ST3GAL1: variants seen among roughly 807,000 people sequenced by gnomAD.
ST3GAL1 encodes the protein CMP-N-acetylneuraminate-beta-galactosamide-alpha-2,3-sialyltransferase 1.
ST3GAL1 carries 16 observed loss-of-function variants against 34.1 expected under a neutral mutation model. That is an observed-to-expected ratio of 0.47 (90% CI 0.32 to 0.71). ST3GAL1 has a LOEUF of 0.71. Among genes scored for constraint, ST3GAL1 ranks in the 30% least tolerant of loss-of-function variants. The pLI, the probability that ST3GAL1 is intolerant of heterozygous loss-of-function variation, is 0.04. For synonymous variants in ST3GAL1, 191 were observed against 184.7 expected, an observed-to-expected ratio of 1.03 and a Z score of -0.28; for missense variants, 353 against 447.4, an observed-to-expected ratio of 0.79 and a Z score of 1.90.
intron 1 of ST3GAL1, among the ~76,000 whole-genome samples, chr8:133,557,294 T>A (rs889822605): frequency 6.6e-6 from 1 of 152,136 alleles, no homozygotes; most frequent in African/African-American, 2.4e-5. Context: ...AGTCATCCAG[T>A]CAACCAACGC....
intron 2 of ST3GAL1, among the ~76,000 whole-genome samples, chr8:133,537,270 C>T (rs1248269081): frequency 6.6e-6 from 1 of 151,296 alleles, no homozygotes; most frequent in Non-Finnish European, 1.5e-5. Context: ...CTCCAGTGCT[C>T]AGCTATCTGG....
chr8:133,558,680 C>A (rs1420912917), intron 1 of ST3GAL1, among the ~76,000 whole-genome samples: 1 of 152,150 alleles, frequency 6.6e-6, no homozygotes, highest in East Asian at 1.9e-4. Flanking sequence ...TTTACTCCAT[C>A]CGGGGCAGGT....
intron 9 of ST3GAL1, among the ~76,000 whole-genome samples, chr8:133,460,855 G>A (rs1259918708): frequency 6.6e-6 from 1 of 152,032 alleles, no homozygotes; most frequent in African/African-American, 2.4e-5. Context: ...GGGAGAGGAC[G>A]TGCTATCTGG....
rs1381837355 is a variant in ST3GAL1, at chr8:133,508,023, C to T, written c.-428-8834G>A. On this transcript the variant is annotated intron_variant, in intron 2 of 9. Transcript: ENST00000522652. This position sits in a 1 kb window ranked among gnomAD's most constrained non-coding sequence, Gnocchi z 4.1. Reference sequence around the variant, plus strand: ...GAGGTGCCCACCCTCTCACCCCCCACACCCTAGGCAGCCCACAGACAATGA... The same window carrying T: ...GAGGTGCCCACCCTCTCACCCCCCATACCCTAGGCAGCCCACAGACAATGA... 6.6e-6 allele frequency among the ~76,000 whole-genome samples: 1 copy of T among 152,236 alleles called. No homozygotes were observed. The highest frequency in any genetic ancestry group is 6.5e-5 in the Admixed American group (1 of 15,282).
intron 2 of ST3GAL1, among the ~76,000 whole-genome samples, chr8:133,500,487 T>A (rs1482667526): frequency 6.6e-6 from 1 of 152,112 alleles, no homozygotes; most frequent in African/African-American, 2.4e-5. Flanking sequence ...CAGGGAAGGT[T>A]ATAGGGAGGA....
rs71299078 is a variant in ST3GAL1 at position 133,541,120 on chromosome 8, T to TATAGAGAGAGAGAGAGAGAGAGAGAG, written c.-429+4653_-429+4654insCTCTCTCTCTCTCTCTCTCTCTCTAT. ...ACATATATATATATATATATATATA[T>TATAGAGAGAGAGAGAGAGAGAGAGAG]AGAGAGAGAGAGAGAGAGAGAGAGA... On this transcript the variant is annotated intron_variant, in intron 2 of 9. Coordinates refer to ENST00000522652, the MANE Select transcript of ST3GAL1 (RefSeq NM_173344.3). Among the ~76,000 whole-genome samples the TATAGAGAGAGAGAGAGAGAGAGAGAG allele has an allele frequency of 6.2e-5, 3 of 48,644 alleles. 1 individual carries two copies. The highest frequency in any genetic ancestry group is 9.9e-5 in the African/African-American group (1 of 10,138). The allele number at this position is 48,644 out of a possible 152,430, so 31.9% of individuals were successfully genotyped here. A position where few individuals can be genotyped will look rare whatever the true frequency, so the allele number is the denominator to read the frequency against.
At chr8:133,569,688 G>A (rs551899193) in intron 1 of ST3GAL1, among the ~76,000 whole-genome samples, 1 of 152,158 alleles carries the variant, frequency 6.6e-6, no homozygotes, top group African/African-American at 2.4e-5. Flanking sequence ...TAATGTTTGG[G>A]GCAGGAAGGG....
At chr8:133,473,745 T>G (rs2130939559) in intron 5 of ST3GAL1, among the ~76,000 whole-genome samples, 1 of 152,358 alleles carries the variant, frequency 6.6e-6, no homozygotes, top group Non-Finnish European at 1.5e-5. Context: ...ATCTTCTGGC[T>G]ATCGCAACTG....
chr8:133,540,303 C>G (rs368302464), intron 2 of ST3GAL1, among the ~76,000 whole-genome samples: 7 of 152,216 alleles, frequency 4.6e-5, no homozygotes, highest in Non-Finnish European at 1.0e-4. Context: ...TGCTGCCCAT[C>G]GGAATATTGA....
At position 133,571,390 on chromosome 8, in the gene ST3GAL1, G is replaced by C. The variant is rs958102394; in HGVS notation, c.-582+303C>G. Reference sequence around the variant, plus strand: ...CACAGAGCTCCAGGCAGCTCCTCCAGTGTCGGCCGAAGACCCCTAAGCCCG... The same window carrying C: ...CACAGAGCTCCAGGCAGCTCCTCCACTGTCGGCCGAAGACCCCTAAGCCCG... On this transcript the variant is annotated intron_variant, in intron 1 of 9. Transcript: ENST00000522652. This position sits in a 1 kb window ranked among gnomAD's most constrained non-coding sequence, Gnocchi z 6.7. 2.6e-5 allele frequency among the ~76,000 whole-genome samples: 4 copies of C among 152,156 alleles called. No homozygotes were observed. The highest frequency in any genetic ancestry group is 6.5e-5 in the Admixed American group (1 of 15,276).
intron 5 of ST3GAL1, among the ~76,000 whole-genome samples, chr8:133,468,703 G>A (rs1364119190): frequency 6.6e-6 from 1 of 152,208 alleles, no homozygotes. Flanking sequence ...ATCATCCAGG[G>A]TGGCTCCATG....
At chr8:133,497,881 G>T (rs1207757926) in intron 3 of ST3GAL1, among the ~76,000 whole-genome samples, 39 of 152,120 alleles carry the variant, frequency 2.6e-4, no homozygotes. Context: ...TGGTAGTGGG[G>T]TATGGGAGCA....
At chr8:133,557,528 C>T (rs1462542668) in intron 1 of ST3GAL1, among the ~76,000 whole-genome samples, 1 of 152,126 alleles carries the variant, frequency 6.6e-6, no homozygotes, top group East Asian at 1.9e-4. Context: ...GTCGCACCAG[C>T]CAGGCCCTGT....
chr8:133,494,665 C>A (rs1487663668), intron 3 of ST3GAL1, among the ~76,000 whole-genome samples: 2 of 152,122 alleles, frequency 1.3e-5, no homozygotes, highest in African/African-American at 4.8e-5. Context: ...TGAACTGGTC[C>A]CTGCCTACTC....
intron 5 of ST3GAL1, 131 bp downstream of exon 5, chr8:133,475,588 C>G (rs571646213): frequency 9.1e-7 from 1 of 1,097,370 alleles, no homozygotes; most frequent in African/African-American, 1.6e-5. Context: ...CAGACCCCTA[C>G]CCTCAGCCCA....
chr8:133,550,651 T>C (rs1818812017), intron 1 of ST3GAL1, among the ~76,000 whole-genome samples: 1 of 152,222 alleles, frequency 6.6e-6, no homozygotes, highest in South Asian at 2.1e-4. Context: ...AGGGAACTGC[T>C]GGGCTTAAAC....
intron 2 of ST3GAL1, among the ~76,000 whole-genome samples, chr8:133,510,494 T>C (rs540871363): frequency 2.0e-5 from 3 of 152,316 alleles, no homozygotes; most frequent in African/African-American, 7.2e-5. Flanking sequence ...CGGGCAATTC[T>C]AAACCTGTGC....
Position 133,459,931 on chromosome 8 carries a change from A to AGTCC in ST3GAL1, c.852_855dup (p.Leu286GlyfsTer37). ...TTGCTGTCTGCCCCGAAGCCGTACA[A>AGTCC]GTCCACCTGTGGGAGCAAAGCAAAG... is the stretch of plus-strand genomic sequence containing the variant. On this transcript the variant is annotated frameshift_variant, in exon 10 of 10. Transcript: ENST00000522652. LOFTEE classifies it high-confidence loss of function. The surrounding 1 kb of genome is among the most constrained non-coding windows in gnomAD (Gnocchi z 4.7). 1 of 1,611,302 alleles carries AGTCC rather than the reference A, an allele frequency of 6.2e-7. No individual in the cohort carries two copies. Among genetic ancestry groups the AGTCC allele is most frequent in the Non-Finnish European group, 8.5e-7 (1 of 1,178,250 alleles).
chr8:133,515,968 C>T (rs910696800), intron 2 of ST3GAL1, among the ~76,000 whole-genome samples: 3 of 152,106 alleles, frequency 2.0e-5, no homozygotes. Context: ...GATTCTCTTG[C>T]CTCAGCCTCC....
Sources: allele counts gnomAD v4.1 joint callset (sites outside exome capture counted in the v4.1 genomes callset), GRCh38; gene constraint gnomAD v4.1.1; non-coding constraint Gnocchi (gnomAD v3.1); transcripts MANE v1.5; gene names NCBI Gene and HGNC (gene_info 2026-07-23, HGNC 2026-07-21).